Variants in PCDHA4 observed in about 807,000 individuals in gnomAD.
PCDHA4 encodes protocadherin alpha 4, also known as protocadherin alpha-4.
PCDHA4 carries 49 observed loss-of-function variants against 61.4 expected under a neutral mutation model. The ratio of observed to expected loss-of-function variants is 0.80; its 90% CI spans 0.63 to 1.01. The LOEUF is 1.01. Ranked by LOEUF, PCDHA4 falls within the 50% of genes least tolerant of loss-of-function variation. The pLI, the probability that PCDHA4 is intolerant of heterozygous loss-of-function variation, is 0.00. For missense variants in PCDHA4, 1,254 were observed against 1,235.8 expected (o/e 1.01, Z -0.22); for synonymous variants, 590 against 550.3 (o/e 1.07, Z -1.01).
chr5:140,808,971 G>A lies in PCDHA4; in HGVS notation c.1784G>A (p.Arg595His), dbSNP rs1441304336. ...GTGGGCCACGTGGTGGCAAAGGTGC[G>A]CGCGGTGGATGCTGACTCGGGCTAC... ...VGVGHVVAKV[R>H]AVDADSGYNA... Residue 595 changes from arginine (R) to histidine (H), a missense_variant, in exon 1 of 4, where the codon CGC becomes CAC. By Grantham distance (29) the Arg-to-His change is conservative (BLOSUM62 0). Coordinates refer to ENST00000530339, the MANE Select transcript of PCDHA4 (RefSeq NM_018907.4). 1.2e-6 allele frequency: 2 copies of A among 1,613,480 alleles called. No individual in the cohort carries two copies. Among genetic ancestry groups the A allele is most frequent in the Non-Finnish European group, 1.7e-6 (2 of 1,179,706 alleles).
In PCDHA4 at chr5:141,009,754, C is replaced by A. The variant is rs200585286; in HGVS notation, c.2661C>A (p.Ile887=). 18 of 1,614,022 alleles carry A rather than the reference C, an allele frequency of 1.1e-5. No individual in the cohort carries two copies. Among genetic ancestry groups the A allele is most frequent in the Non-Finnish European group, 1.5e-5 (18 of 1,180,034 alleles). ...GTGAGTTGCCCGACAAATTCATTAT[C>A]CCAGGATCTCCTGCAATCATCTCCA... The part of the protein sequence containing the change: ...GPGELPDKFI[I]PGSPAIISIR... The change falls in exon 4 of 4, where the codon ATC becomes ATA. Residue 887 remains isoleucine, a synonymous_variant. Coordinates refer to ENST00000530339, the MANE Select transcript of PCDHA4 (RefSeq NM_018907.4).
intron 1 of PCDHA4, chr5:140,823,946 C>T: frequency 1.2e-6 from 2 of 1,613,970 alleles, no homozygotes; most frequent in East Asian, 2.2e-5. Flanking sequence ...CGGTGCTCGG[C>T]GCAGCCCACC....
rs189065461 is a variant in PCDHA4, at chr5:140,869,908, C to A, written c.2385+60336C>A. ...TGTGCTCAAACTAAACGCCACAGACCGAGACGAAGGAGTCAATGGAGAGGT... is the reference window on the plus strand; with the variant it reads ...TGTGCTCAAACTAAACGCCACAGACAGAGACGAAGGAGTCAATGGAGAGGT... On this transcript the variant is annotated intron_variant, in intron 1 of 3. Coordinates refer to ENST00000530339, the MANE Select transcript of PCDHA4 (RefSeq NM_018907.4). 6.2e-6 allele frequency: 10 copies of A among 1,610,646 alleles called. No homozygotes were observed. In the Admixed American group the frequency reaches 6.7e-5, roughly 11 times the overall value.
chr5:140,868,900 G>A (rs2050728202), intron 1 of PCDHA4: 1 of 811,546 alleles, frequency 1.2e-6, no homozygotes, highest in Non-Finnish European at 1.9e-6. Flanking sequence ...GCAAGGTGTC[G>A]CTCTTTACTT....
At chr5:140,942,445 A>G (rs1323056710) in intron 1 of PCDHA4, among the ~76,000 whole-genome samples, 5 of 152,016 alleles carry the variant, frequency 3.3e-5, no homozygotes, top group Non-Finnish European at 7.4e-5. Context: ...AAACAAGTAA[A>G]CTATCAATTA....
chr5:140,846,597 A>G (rs930246175), intron 1 of PCDHA4, among the ~76,000 whole-genome samples: 2 of 148,430 alleles, frequency 1.3e-5, no homozygotes, highest in Non-Finnish European at 3.0e-5. Context: ...GATGGTCTCG[A>G]TCTCCTGACC....
chr5:140,858,459 TC>T, intron 1 of PCDHA4: 5 of 1,527,032 alleles, frequency 3.3e-6, no homozygotes, highest in Non-Finnish European at 4.4e-6. Context: ...GTTTTCATTT[TC>T]CTTTTGTGCT....
chr5:140,981,498 T>C (rs1299157295), intron 2 of PCDHA4, among the ~76,000 whole-genome samples: 1 of 152,146 alleles, frequency 6.6e-6, no homozygotes, highest in African/African-American at 2.4e-5. Context: ...TGCTTGAACC[T>C]GGGAGGCAGA....
chr5:140,828,261 C>A lies in PCDHA4; in HGVS notation c.2385+18689C>A, dbSNP rs2150153228. 14 of 1,613,826 alleles carry A rather than the reference C, an allele frequency of 8.7e-6. No individual in the cohort carries two copies. In the African/African-American group the frequency reaches 1.5e-4, roughly 17 times the overall value. ...GCGCAGGACCTGGGGCTGGAGCTGGCGGAGCTGGTGCCGCGCCTGTTCAGG... is the reference window on the plus strand; with the variant it reads ...GCGCAGGACCTGGGGCTGGAGCTGGAGGAGCTGGTGCCGCGCCTGTTCAGG... On this transcript the variant is annotated intron_variant, in intron 1 of 3. Transcript: ENST00000530339.
At position 140,999,690 on chromosome 5, in the gene PCDHA4, G is replaced by A. The variant is rs113599808; in HGVS notation, c.2534-9937G>A. Among the ~76,000 whole-genome samples the A allele has an allele frequency of 6.4e-3, 977 of 152,230 alleles. 14 individuals are homozygous for A. Among genetic ancestry groups the A allele is most frequent in the African/African-American group, 0.023 (950 of 41,554 alleles). Reference sequence around the variant, plus strand: ...CGGGGGGCTCACAGAAAGAAGAAATGTGATTTTTTTTTAGCTAACTACGGA... The same window carrying A: ...CGGGGGGCTCACAGAAAGAAGAAATATGATTTTTTTTTAGCTAACTACGGA... On this transcript the variant is annotated intron_variant, in intron 3 of 3. Coordinates refer to ENST00000530339, the MANE Select transcript of PCDHA4 (RefSeq NM_018907.4).
intron 3 of PCDHA4, among the ~76,000 whole-genome samples, chr5:140,997,165 G>A (rs1554255769): frequency 6.6e-6 from 1 of 151,976 alleles, no homozygotes; most frequent in African/African-American, 2.4e-5. Flanking sequence ...CCTGCCCAGA[G>A]TGGTACATTC....
intron 1 of PCDHA4, chr5:140,830,507 A>G (rs1226848199): frequency 1.4e-6 from 2 of 1,423,508 alleles, no homozygotes; most frequent in Non-Finnish European, 1.9e-6. Context: ...TTCATAATTA[A>G]CAGTTAATTT....
Position 140,808,806 on chromosome 5 carries a change from C to G in PCDHA4, c.1619C>G (p.Ala540Gly), listed in dbSNP as rs1554124813. Residue 540 changes from alanine (A) to glycine (G), a missense_variant, in exon 1 of 4, where the codon GCC becomes GGC. Ala to Gly is a moderately conservative substitution (Grantham distance 60, BLOSUM62 0). Coordinates refer to ENST00000530339, the MANE Select transcript of PCDHA4 (RefSeq NM_018907.4). ...LLQFQVTARD[A>G]GVPPLGSNVT... ...CAGTTTCAGGTGACCGCTCGCGATG[C>G]CGGCGTGCCACCTCTGGGCAGCAAC... 6.2e-6 allele frequency: 10 copies of G among 1,612,650 alleles called. 2 individuals carry two copies. The South Asian group carries it at 9.9e-5, about 16-fold the overall frequency.
chr5:140,876,976 C>G lies in PCDHA4; in HGVS notation c.2385+67404C>G, dbSNP rs782283591. 6 of 1,612,586 alleles carry G rather than the reference C, an allele frequency of 3.7e-6. No homozygotes were observed. In the Admixed American group the frequency reaches 5.0e-5, roughly 13 times the overall value. ...GCTGGTGGAGCGGCGGGTGGGCGAG[C>G]ACGCACTGTCGAGCTACGTGTCGGT... On this transcript the variant is annotated intron_variant, in intron 1 of 3. Transcript: ENST00000530339.
In PCDHA4 at chr5:140,829,690, T is replaced by C. The variant is rs147329611; in HGVS notation, c.2385+20118T>C. The stretch of plus-strand genomic sequence containing the variant: ...ACGAGGAGCTAGAGCTGCTGCAGTT[T>C]CAGGTGAGCGCGCGCGACGCGGGCG... On this transcript the variant is annotated intron_variant, in intron 1 of 3. Coordinates refer to ENST00000530339, the MANE Select transcript of PCDHA4 (RefSeq NM_018907.4). The C allele has an allele frequency of 9.4e-5, 151 of 1,613,174 alleles. 1 individual carries two copies. Among genetic ancestry groups the C allele is most frequent in the South Asian group, 2.2e-4 (20 of 91,054 alleles).
chr5:140,871,674 A>G (rs1582053798), intron 1 of PCDHA4: 3 of 1,137,860 alleles, frequency 2.6e-6, no homozygotes, highest in Non-Finnish European at 3.6e-6. Context: ...TCTTTTAATC[A>G]TATGAATAAT....
chr5:141,007,158 A>C (rs1231758700), intron 3 of PCDHA4, among the ~76,000 whole-genome samples: 1 of 152,198 alleles, frequency 6.6e-6, no homozygotes, highest in African/African-American at 2.4e-5. Context: ...CTGTCAAAGA[A>C]CAGTCAGAGA....
intron 3 of PCDHA4, among the ~76,000 whole-genome samples, chr5:140,985,728 C>G (rs2097165709): frequency 6.7e-6 from 1 of 148,846 alleles, no homozygotes; most frequent in Admixed American, 6.8e-5. Flanking sequence ...TTTTCCTTCA[C>G]TGATGAATTC....
intron 3 of PCDHA4, among the ~76,000 whole-genome samples, chr5:141,000,385 C>CAA (rs1399640915): frequency 2.3e-4 from 15 of 64,992 alleles, no homozygotes; most frequent in African/African-American, 9.7e-4. Context: ...CTCTCTCTCT[C>CAA]TCTCTCTCTC....
Sources: allele counts gnomAD v4.1 joint callset (sites outside exome capture counted in the v4.1 genomes callset), GRCh38; gene constraint gnomAD v4.1.1; transcripts MANE v1.5; gene names NCBI Gene and HGNC (gene_info 2026-07-23, HGNC 2026-07-21).